NINJ2: variants seen among roughly 807,000 people sequenced by gnomAD.
NINJ2 encodes the protein ninjurin-2.
NINJ2 carries 12 observed loss-of-function variants against 11.7 expected under a neutral mutation model. That is an observed-to-expected ratio of 1.02 (90% CI 0.66 to 1.66). NINJ2 has a LOEUF of 1.66. Ranked by LOEUF, NINJ2 falls within the 40% of genes most tolerant of loss-of-function variation. The probability of loss-of-function intolerance (pLI) is 0.00; values close to 1 mark genes in which losing one functional copy is unlikely to be tolerated. For missense variants in NINJ2, 187 were observed against 181.8 expected (o/e 1.03, Z -0.16); for synonymous variants, 93 against 76.8 (o/e 1.21, Z -1.10).
intron 1 of NINJ2, among the ~76,000 whole-genome samples, chr12:606,975 C>T (rs1024676094): frequency 2.6e-5 from 4 of 152,198 alleles, no homozygotes; most frequent in Non-Finnish European, 4.4e-5. Flanking sequence ...TTTGAATCCC[C>T]GGCCCCAACT....
chr12:621,633 A>T (rs1388625414), intron 1 of NINJ2, among the ~76,000 whole-genome samples: 1 of 151,782 alleles, frequency 6.6e-6, no homozygotes, highest in Non-Finnish European at 1.5e-5. Context: ...CCTGGCCAAC[A>T]TGGTGAAACC....
intron 1 of NINJ2, chr12:643,612 G>C: frequency 1.0e-6 from 1 of 988,040 alleles, no homozygotes; most frequent in Non-Finnish European, 1.2e-6. Context: ...AGCGTTGTAC[G>C]GCCACCGAGC....
At chr12:603,851 G>T (rs1320674863) in intron 1 of NINJ2, among the ~76,000 whole-genome samples, 1 of 151,950 alleles carries the variant, frequency 6.6e-6, no homozygotes, top group South Asian at 2.1e-4. Flanking sequence ...AATAGAGACG[G>T]GGTTTTGCCA....
chr12:615,778 T>C (rs1050913777), intron 1 of NINJ2, among the ~76,000 whole-genome samples: 1 of 152,212 alleles, frequency 6.6e-6, no homozygotes, highest in Non-Finnish European at 1.5e-5. Context: ...TGTCATCCTG[T>C]GGGCTGCATG....
intron 1 of NINJ2, among the ~76,000 whole-genome samples, chr12:648,977 C>CAGATAT: frequency 3.6e-5 from 1 of 27,934 alleles, no homozygotes; most frequent in Admixed American, 4.8e-4. Flanking sequence ...AAGTCATCCA[C>CAGATAT]CTATCTATCT....
chr12:576,786 T>C (rs1444188133), intron 1 of NINJ2, among the ~76,000 whole-genome samples: 1 of 152,192 alleles, frequency 6.6e-6, no homozygotes, highest in Non-Finnish European at 1.5e-5. Context: ...CACACAGAAA[T>C]TTCCAAAGAA....
chr12:577,417 A>ATATATATATACATATATATATC (rs1947475291), intron 1 of NINJ2, among the ~76,000 whole-genome samples: 1 of 93,584 alleles, frequency 1.1e-5, no homozygotes, highest in African/African-American at 4.3e-5. Context: ...CACTAGTCTC[A>ATATATATATACATATATATATC]TATATATATA....
At chr12:571,148 T>C (rs1458004465) in intron 1 of NINJ2, among the ~76,000 whole-genome samples, 1 of 152,222 alleles carries the variant, frequency 6.6e-6, no homozygotes, top group Non-Finnish European at 1.5e-5. Flanking sequence ...GAGTCCCTGT[T>C]CAAGGCGCGG....
intron 1 of NINJ2, among the ~76,000 whole-genome samples, chr12:567,219 C>A (rs1380512929): frequency 6.6e-6 from 1 of 151,638 alleles, no homozygotes; most frequent in Non-Finnish European, 1.5e-5. Flanking sequence ...AGGACAGATA[C>A]CTGCAGAGTG....
chr12:626,409 A>T (rs79498511), intron 1 of NINJ2, among the ~76,000 whole-genome samples: 36 of 152,300 alleles, frequency 2.4e-4, no homozygotes, highest in African/African-American at 8.7e-4. Flanking sequence ...TGCTTTTCCC[A>T]ATTCTATTGC....
intron 1 of NINJ2, among the ~76,000 whole-genome samples, chr12:626,574 A>T (rs1454937107): frequency 6.6e-6 from 1 of 152,208 alleles, no homozygotes; most frequent in African/African-American, 2.4e-5. Flanking sequence ...GACTTAAAAG[A>T]GTTTCACTCT....
At chr12:604,991 T>A (rs1014687875) in intron 1 of NINJ2, among the ~76,000 whole-genome samples, 1 of 152,198 alleles carries the variant, frequency 6.6e-6, no homozygotes, top group Non-Finnish European at 1.5e-5. Context: ...AATATGTGTT[T>A]AGGATTTTCA....
Position 588,186 on chromosome 12 carries a change from G to A in NINJ2, c.34-22008C>T, listed in dbSNP as rs982623044. ...AAGGGACGGAAGGGACGGAAGGGACGGAAGGGACGGAGGGGACGGAAGGGA... is the reference window on the plus strand; with the variant it reads ...AAGGGACGGAAGGGACGGAAGGGACAGAAGGGACGGAGGGGACGGAAGGGA... On this transcript the variant is annotated intron_variant, in intron 1 of 3. Transcript: ENST00000305108. 3.2e-5 allele frequency among the ~76,000 whole-genome samples: 4 copies of A among 123,476 alleles called. No individual in the cohort carries two copies. The East Asian group carries it at 6.1e-4, about 19-fold the overall frequency. 81.0% of individuals were successfully genotyped at this position (123,476 alleles called of 152,430 possible). A position where few individuals can be genotyped will look rare whatever the true frequency, so the allele number is the denominator to read the frequency against.
At chr12:661,722 T>A (rs565915177) in intron 1 of NINJ2, among the ~76,000 whole-genome samples, 1 of 152,228 alleles carries the variant, frequency 6.6e-6, no homozygotes, top group South Asian at 2.1e-4. Flanking sequence ...AAGGATCTTA[T>A]AGAGGCAAGA....
chr12:649,074 G>T (rs536901770), intron 1 of NINJ2, among the ~76,000 whole-genome samples: 31 of 145,974 alleles, frequency 2.1e-4, no homozygotes, highest in Admixed American at 4.1e-4. Flanking sequence ...TTTTCGAGAC[G>T]GAGTCTCTGT....
At chr12:575,535 C>G (rs1435997679) in intron 1 of NINJ2, among the ~76,000 whole-genome samples, 2 of 152,076 alleles carry the variant, frequency 1.3e-5, no homozygotes, top group Non-Finnish European at 2.9e-5. Context: ...CCACCAAGGC[C>G]CTGTTTGAAA....
chr12:605,195 G>C (rs1162272494), intron 1 of NINJ2, among the ~76,000 whole-genome samples: 1 of 152,228 alleles, frequency 6.6e-6, no homozygotes, highest in Non-Finnish European at 1.5e-5. Flanking sequence ...CTTCCCCACA[G>C]ATAGTCTGCA....
intron 1 of NINJ2, among the ~76,000 whole-genome samples, chr12:649,926 C>T (rs918855191): frequency 1.3e-5 from 2 of 152,132 alleles, no homozygotes; most frequent in South Asian, 2.1e-4. Context: ...AAAAATTGTT[C>T]CATATTTATT....
rs1947551167 is a variant in NINJ2 at position 581,286 on chromosome 12, C to CTGGTGCATTATCCGGAGGG, written c.34-15109_34-15108insCCCTCCGGATAATGCACCA. Among the ~76,000 whole-genome samples, 1 of 151,292 alleles carries CTGGTGCATTATCCGGAGGG rather than the reference C, an allele frequency of 6.6e-6. No homozygotes were observed. The highest frequency in any genetic ancestry group is 1.5e-5 in the Non-Finnish European group (1 of 67,856). ...TAGATGAGACAGGCTACAGACAAGG[C>CTGGTGCATTATCCGGAGGG]AGGGATACTGGTGCATTATCCGGAG... On this transcript the variant is annotated intron_variant, in intron 1 of 3. Transcript: ENST00000305108. This position sits in a 1 kb window ranked among gnomAD's most constrained non-coding sequence, Gnocchi z 4.9.
Sources: allele counts gnomAD v4.1 joint callset (sites outside exome capture counted in the v4.1 genomes callset), GRCh38; gene constraint gnomAD v4.1.1; non-coding constraint Gnocchi (gnomAD v3.1); transcripts MANE v1.5; gene names NCBI Gene and HGNC (gene_info 2026-07-23, HGNC 2026-07-21).